TCTN3: variants seen among roughly 807,000 people sequenced by gnomAD.
TCTN3 encodes the protein tectonic-3.
In TCTN3, 57 loss-of-function variants were observed where a neutral mutation model predicts 71.3. That is an observed-to-expected ratio of 0.80 (90% confidence interval 0.65 to 1.00). The LOEUF is 1.00. TCTN3 is among the 50% of genes least tolerant of loss of function. The pLI is 0.00. For missense variants in TCTN3, 696 were observed against 719.9 expected, an observed-to-expected ratio of 0.97 and a Z score of 0.38; for synonymous variants, 258 against 267.8, an observed-to-expected ratio of 0.96 and a Z score of 0.36.
In TCTN3 at chr10:95,693,466, G is replaced by A. The variant is rs1416643767; in HGVS notation, c.267C>T (p.Ile89=). Residue 89 remains isoleucine, a synonymous_variant, in exon 2 of 14, where the codon ATC becomes ATT. Transcript: ENST00000371217. ...RTVDLFPVLP[I]CVCDLTPGAC... Reference sequence around the variant, plus strand: ...CTCCAGGAGTCAAGTCACAGACACAGATCGGTAAGACTATGAAAGTACGAC... The same window carrying A: ...CTCCAGGAGTCAAGTCACAGACACAAATCGGTAAGACTATGAAAGTACGAC... The A allele has an allele frequency of 1.9e-6, 3 of 1,552,128 alleles. No homozygotes were observed. Among genetic ancestry groups the A allele is most frequent in the Non-Finnish European group, 2.6e-6 (3 of 1,147,120 alleles).
In TCTN3 at chr10:95,687,577, C is replaced by T; in HGVS notation, c.627+15G>A. The T allele has an allele frequency of 6.2e-7, 1 of 1,610,786 alleles. No individual in the cohort carries two copies. The highest frequency in any genetic ancestry group is 1.3e-5 in the African/African-American group (1 of 74,862). ...AAACTAAACCAAACAATCCCATCCC[C>T]TTCCCCAGGCTCACCCTGTAAAAAG... On this transcript the variant is annotated intron_variant, in intron 4 of 13. Transcript: ENST00000371217.
chr10:95,679,882 G>A lies in TCTN3; in HGVS notation c.1590+590C>T, dbSNP rs147974213. ...TGGGATTACAGGCGTGAGCCACCGCGCCCGGCCGTCATTTCTAAGTAAAAT... is the reference window on the plus strand; with the variant it reads ...TGGGATTACAGGCGTGAGCCACCGCACCCGGCCGTCATTTCTAAGTAAAAT... On this transcript the variant is annotated intron_variant, in intron 13 of 13. Transcript: ENST00000371217. 2.3e-3 allele frequency among the ~76,000 whole-genome samples: 348 copies of A among 152,208 alleles called. 7 individuals are homozygous for A. In the East Asian group the frequency reaches 0.048, roughly 21 times the overall value.
chr10:95,680,662 T>C, intron 12 of TCTN3, 53 bp from the exon 13 acceptor site: 1 of 1,590,708 alleles, frequency 6.3e-7, no homozygotes, highest in Non-Finnish European at 8.6e-7. Context: ...TTGCCTATAG[T>C]CAATCACCAA....
intron 13 of TCTN3, among the ~76,000 whole-genome samples, chr10:95,677,753 CT>C (rs1376033843): frequency 6.6e-6 from 1 of 151,944 alleles, no homozygotes; most frequent in African/African-American, 2.4e-5. Context: ...GGCGGGTTGG[CT>C]TAGGTTGTAT....
At chr10:95,673,065 T>C (rs1297761347) in intron 13 of TCTN3, among the ~76,000 whole-genome samples, 2 of 152,198 alleles carry the variant, frequency 1.3e-5, no homozygotes, top group Admixed American at 6.5e-5. Context: ...AAAAGGTCTT[T>C]TTATATTCTA....
intron 8 of TCTN3, among the ~76,000 whole-genome samples, chr10:95,684,899 C>T (rs1444804219): frequency 6.6e-6 from 1 of 151,966 alleles, no homozygotes; most frequent in Admixed American, 6.6e-5. Context: ...AAGTTGATTA[C>T]GGACAGAGGA....
chr10:95,682,941 T>C (rs2097944505), intron 11 of TCTN3, 137 bp from the exon 12 acceptor site: 6 of 1,308,576 alleles, frequency 4.6e-6, no homozygotes, highest in South Asian at 4.3e-5. Context: ...GTATTAACAA[T>C]TGCCAGAAAA....
At chr10:95,665,217 T>A (rs1001810794) in intron 13 of TCTN3, among the ~76,000 whole-genome samples, 1 of 152,128 alleles carries the variant, frequency 6.6e-6, no homozygotes, top group Non-Finnish European at 1.5e-5. Context: ...CAAGTGATCC[T>A]CCTGCCTCAG....
intron 7 of TCTN3, among the ~76,000 whole-genome samples, chr10:95,686,045 A>G (rs971343926): frequency 2.0e-5 from 3 of 152,188 alleles, no homozygotes; most frequent in Non-Finnish European, 4.4e-5. Context: ...TGGACAACAT[A>G]GCAAGATCCC....
At chr10:95,678,590 C>T (rs898766426) in intron 13 of TCTN3, among the ~76,000 whole-genome samples, 2 of 148,656 alleles carry the variant, frequency 1.3e-5, no homozygotes, top group African/African-American at 5.0e-5. Context: ...CCTGTGTGGA[C>T]GGAGAAGTGA....
At chr10:95,686,746 A>T (rs2097948676) in intron 6 of TCTN3, among the ~76,000 whole-genome samples, 1 of 152,110 alleles carries the variant, frequency 6.6e-6, no homozygotes, top group Non-Finnish European at 1.5e-5. Flanking sequence ...ATGCCTATTT[A>T]CTCTGACAGG....
At position 95,663,880 on chromosome 10, in the gene TCTN3, G is replaced by T; in HGVS notation, c.*187C>A. 1 of 573,508 alleles carries T rather than the reference G, an allele frequency of 1.7e-6. No individual in the cohort carries two copies. 35.5% of individuals were successfully genotyped at this position (573,508 alleles called of 1,614,324 possible). ...TGCAGAGCCCAAAGCAGAGAGCTAT[G>T]ATGAATAAAATATTTTTATTGCTTT... On this transcript the variant is annotated 3_prime_UTR_variant, in exon 14 of 14. Transcript: ENST00000371217.
chr10:95,692,904 A>C lies in TCTN3; in HGVS notation c.499+16T>G. The C allele has an allele frequency of 6.4e-7, 1 of 1,561,878 alleles. No homozygotes were observed. Among genetic ancestry groups the C allele is most frequent in the Non-Finnish European group, 8.8e-7 (1 of 1,132,468 alleles). On this transcript the variant is annotated intron_variant, in intron 3 of 13. Coordinates refer to ENST00000371217, the MANE Select transcript of TCTN3 (RefSeq NM_015631.6). ...CTGTGTTAGAAAATGAGAACAACCA[A>C]CATGTTTCTACTCACAGTTGTTCAC... is the stretch of plus-strand genomic sequence containing the variant.
intron 3 of TCTN3, 152 bp downstream of exon 3, chr10:95,692,768 C>CT (rs200863032): frequency 1.2e-3 from 716 of 592,812 alleles, no homozygotes; most frequent in Middle Eastern, 2.6e-3. Context: ...ATTTTTTTTG[C>CT]TTTTTTTTTG....
chr10:95,683,124 A>C lies in TCTN3; in HGVS notation c.1275T>G (p.Asn425Lys). ...ACCTGAGCTTGCATCCAGATATTGC[A>C]TTCACTCCAAACTGCACTTCATGTC... ...VKRHEVQFGV[N>K]AISGCKLRLK... The change falls in exon 11 of 14, where the codon AAT (asparagine) becomes AAG (lysine). Residue 425 changes from asparagine to lysine, a missense_variant. Transcript: ENST00000371217. 2 of 1,614,098 alleles carry C rather than the reference A, an allele frequency of 1.2e-6. No homozygotes were observed. Among genetic ancestry groups the C allele is most frequent in the Non-Finnish European group, 1.7e-6 (2 of 1,179,970 alleles).
chr10:95,679,133 G>A (rs373084404), intron 13 of TCTN3, among the ~76,000 whole-genome samples: 18 of 152,268 alleles, frequency 1.2e-4, no homozygotes, highest in East Asian at 1.2e-3. Context: ...TGGTTTTGTA[G>A]CGGGGACAAA....
chr10:95,687,267 C>T lies in TCTN3; in HGVS notation c.716G>A (p.Cys239Tyr). 3 of 1,614,076 alleles carry T rather than the reference C, an allele frequency of 1.9e-6. No individual in the cohort carries two copies. The South Asian group carries it at 3.3e-5, about 18-fold the overall frequency. Residue 239 changes from cysteine to tyrosine, a missense_variant, in exon 5 of 14, where the codon TGT becomes TAT. Coordinates refer to ENST00000371217, the MANE Select transcript of TCTN3 (RefSeq NM_015631.6). ...TTCACCTGCAGGATTGCTTTCAGCA[C>T]AGAGTCCCCCAGCTCCAACTCCTGC... ...QPAGVGAGGLCAESNPAGFLE... is the reference protein window; with the variant it reads ...QPAGVGAGGLYAESNPAGFLE...
In TCTN3 at chr10:95,693,651, G is replaced by A. The variant is rs1182309216; in HGVS notation, c.249C>T (p.Leu83=). ...CACAACGTTTTCCCTCACCTGGGAA[G>A]AGGTCCACAGTCCTATTCCCAGGGG... is the stretch of plus-strand genomic sequence containing the variant. ...PSAPGNRTVD[L]FPVLPICVCD... Residue 83 remains leucine, a synonymous_variant, in exon 1 of 14, where the codon CTC becomes CTT. Transcript: ENST00000371217. The A allele has an allele frequency of 1.3e-6, 2 of 1,550,890 alleles. No homozygotes were observed. The highest frequency in any genetic ancestry group is 2.4e-5 in the South Asian group (2 of 83,996).
chr10:95,682,624 C>T, intron 12 of TCTN3, 27 bp downstream of exon 12: 2 of 1,599,812 alleles, frequency 1.3e-6, no homozygotes, highest in Non-Finnish European at 1.7e-6. Flanking sequence ...AATGAGTCTT[C>T]ATCAGAAAGT....
Sources: gnomAD v4.1 joint callset for allele counts (sites outside exome capture counted in the v4.1 genomes callset) on GRCh38, gnomAD v4.1.1 for gene constraint, MANE v1.5 for transcripts, NCBI Gene and HGNC (gene_info 2026-07-23, HGNC 2026-07-21) for gene names.